SPTLC2: variants seen among roughly 807,000 people sequenced by gnomAD.
SPTLC2 encodes serine palmitoyltransferase 2.
Under a neutral mutation model 62.0 loss-of-function variants are expected in SPTLC2, and 21 were observed. The observed-to-expected ratio is 0.34, with a 90% CI of 0.24 to 0.49. The LOEUF (loss-of-function observed/expected upper bound fraction) is 0.49, where lower values mean the gene tolerates loss of function less well. Among genes scored for constraint, SPTLC2 ranks in the 20% least tolerant of loss-of-function variants. SPTLC2 has a pLI of 0.99. For synonymous variants in SPTLC2, 261 were observed against 261.8 expected, an observed-to-expected ratio of 1.00 and a Z score of 0.03; for missense variants, 511 against 713.0, an observed-to-expected ratio of 0.72 and a Z score of 3.23.
At chr14:77,531,452 T>TCTCCTCCTC (rs1210034001) in intron 9 of SPTLC2, among the ~76,000 whole-genome samples, 8 of 111,300 alleles carry the variant, frequency 7.2e-5, no homozygotes, top group African/African-American at 3.1e-4. Context: ...TTCTCCTCCT[T>TCTCCTCCTC]CTCCTCCTCC....
At chr14:77,524,868 T>C (rs1001897523) in intron 9 of SPTLC2, among the ~76,000 whole-genome samples, 15 of 151,840 alleles carry the variant, frequency 9.9e-5, no homozygotes, top group African/African-American at 2.7e-4. Context: ...GAAAGGGGGA[T>C]TGAAGAGAGG....
Position 77,555,493 on chromosome 14 carries a change from G to A in SPTLC2, c.983C>T (p.Pro328Leu). Residue 328 changes from proline to leucine, a missense_variant, in exon 8 of 12, where the codon CCT becomes CTT. Physicochemically the swap from Pro to Leu is moderately conservative, Grantham distance 98. Transcript: ENST00000216484. ...YSMEGSIVRLPEVIALKKKYK... is the reference protein window; with the variant it reads ...YSMEGSIVRLLEVIALKKKYK... ...TTTCTTCTTGAGGGCAATCACTTCA[G>A]GAAGACGAACAATAGATCCCTCCAT... The A allele has an allele frequency of 1.2e-6, 2 of 1,614,080 alleles. No individual in the cohort carries two copies. Among genetic ancestry groups the A allele is most frequent in the Non-Finnish European group, 1.7e-6 (2 of 1,180,026 alleles).
At chr14:77,602,359 C>T (rs931976843) in intron 1 of SPTLC2, among the ~76,000 whole-genome samples, 2 of 152,126 alleles carry the variant, frequency 1.3e-5, no homozygotes, top group African/African-American at 2.4e-5. Context: ...CCTGATACTC[C>T]TCTTCTATTA....
In SPTLC2 at chr14:77,552,132, T is replaced by C. The variant is rs749776785; in HGVS notation, c.1267A>G (p.Met423Val). 2.5e-6 allele frequency: 4 copies of C among 1,614,166 alleles called. No individual in the cohort carries two copies. Among genetic ancestry groups the C allele is most frequent in the South Asian group, 2.2e-5 (2 of 91,060 alleles). Residue 423 changes from methionine (M) to valine (V), a missense_variant, in exon 9 of 12, where the codon ATG (methionine) becomes GTG (valine). Coordinates refer to ENST00000216484, the MANE Select transcript of SPTLC2 (RefSeq NM_004863.4). ...PPVVEQIITS[M>V]KCIMGQDGTS... ...CCATCCTGCCCCATGATGCACTTCA[T>C]GGAGGTGATGATCTGCTCCACTACA... is the stretch of plus-strand genomic sequence containing the variant.
intron 9 of SPTLC2, among the ~76,000 whole-genome samples, chr14:77,540,732 C>T: frequency 6.6e-6 from 1 of 152,180 alleles, no homozygotes; most frequent in East Asian, 1.9e-4. Flanking sequence ...CCTTAGACTC[C>T]CAAAGTGCTG....
rs767978353 is a variant in SPTLC2, at chr14:77,555,482, C to A, written c.994G>T (p.Ala332Ser). Residue 332 changes from alanine to serine, a missense_variant, in exon 8 of 12, where the codon GCC (alanine) becomes TCC (serine). By Grantham distance (99) the Ala-to-Ser change is moderately conservative (BLOSUM62 1). Transcript: ENST00000216484. ...TATGCCTTGTATTTCTTCTTGAGGGCAATCACTTCAGGAAGACGAACAATA... is the reference window on the plus strand; with the variant it reads ...TATGCCTTGTATTTCTTCTTGAGGGAAATCACTTCAGGAAGACGAACAATA... ...GSIVRLPEVIALKKKYKAYLY... is the reference protein window; with the variant it reads ...GSIVRLPEVISLKKKYKAYLY... 5.0e-6 allele frequency: 8 copies of A among 1,614,012 alleles called. No individual in the cohort carries two copies. The Admixed American group carries it at 1.2e-4, about 24-fold the overall frequency.
chr14:77,513,770 C>T (rs1390337322), intron 11 of SPTLC2, among the ~76,000 whole-genome samples: 1 of 151,924 alleles, frequency 6.6e-6, no homozygotes, highest in Non-Finnish European at 1.5e-5. Flanking sequence ...TGGCACATGC[C>T]TGTAATCCCA....
At chr14:77,610,954 A>G (rs1251344727) in intron 1 of SPTLC2, among the ~76,000 whole-genome samples, 1 of 146,082 alleles carries the variant, frequency 6.8e-6, no homozygotes, top group Non-Finnish European at 1.5e-5. Context: ...TAAGTAAAAA[A>G]GAGACTAGCC....
At chr14:77,614,693 T>A (rs998362560) in intron 1 of SPTLC2, among the ~76,000 whole-genome samples, 1 of 138,720 alleles carries the variant, frequency 7.2e-6, no homozygotes, top group Non-Finnish European at 1.6e-5. Flanking sequence ...AAAAAAATCA[T>A]ACCTCGGCCT....
intron 11 of SPTLC2, among the ~76,000 whole-genome samples, chr14:77,513,948 C>T (rs937131907): frequency 6.9e-6 from 1 of 145,756 alleles, no homozygotes; most frequent in Non-Finnish European, 1.5e-5. Context: ...AGCCTGTAAT[C>T]ACAGCACTTT....
chr14:77,509,527 G>C lies in SPTLC2; in HGVS notation c.*2757C>G, dbSNP rs571661772. ...TCAATCGACTCAGATGATCAGTTTT[G>C]GTAGTCATGGTTAACCGGTATCTGT... On this transcript the variant is annotated 3_prime_UTR_variant, in exon 12 of 12. Coordinates refer to ENST00000216484, the MANE Select transcript of SPTLC2 (RefSeq NM_004863.4). 5.0e-6 allele frequency: 1 copy of C among 201,180 alleles called. No individual in the cohort carries two copies. The highest frequency in any genetic ancestry group is 9.9e-6 in the Non-Finnish European group (1 of 100,690). 12.5% of individuals were successfully genotyped at this position (201,180 alleles called of 1,614,324 possible). A position where few individuals can be genotyped will look rare whatever the true frequency, so the allele number is the denominator to read the frequency against.
At chr14:77,536,274 G>A (rs1566772511) in intron 9 of SPTLC2, among the ~76,000 whole-genome samples, 1 of 151,736 alleles carries the variant, frequency 6.6e-6, no homozygotes, top group African/African-American at 2.4e-5. Context: ...ACCGAAAAAT[G>A]ATTAATTTTG....
At chr14:77,593,762 G>A in intron 2 of SPTLC2, among the ~76,000 whole-genome samples, 1 of 152,184 alleles carries the variant, frequency 6.6e-6, no homozygotes, top group East Asian at 1.9e-4. Flanking sequence ...CACTCTCTCA[G>A]TGAAATGAGG....
At chr14:77,556,471 A>G (rs965644795) in intron 7 of SPTLC2, among the ~76,000 whole-genome samples, 6 of 150,752 alleles carry the variant, frequency 4.0e-5, no homozygotes, top group African/African-American at 1.5e-4. Flanking sequence ...AGGCAATTAA[A>G]ATGACACAAA....
chr14:77,530,057 C>A (rs1386097621), intron 9 of SPTLC2, among the ~76,000 whole-genome samples: 4 of 152,206 alleles, frequency 2.6e-5, no homozygotes, highest in African/African-American at 9.6e-5. Context: ...AATTCTCTTG[C>A]ATTTATGGTG....
chr14:77,548,317 G>GAATCCTA (rs2079539828), intron 9 of SPTLC2, among the ~76,000 whole-genome samples: 1 of 152,170 alleles, frequency 6.6e-6, no homozygotes, highest in African/African-American at 2.4e-5. Flanking sequence ...TTTACTGAAA[G>GAATCCTA]GATCCTAGAT....
At chr14:77,534,170 TCTCTCTCTCACACA>T (rs2079456012) in intron 9 of SPTLC2, among the ~76,000 whole-genome samples, 1 of 93,746 alleles carries the variant, frequency 1.1e-5, no homozygotes, top group East Asian at 4.7e-4. Flanking sequence ...TCTCTTTCTC[TCTCTCTCTCACACA>T]CACACACACA....
intron 3 of SPTLC2, among the ~76,000 whole-genome samples, chr14:77,578,242 A>G (rs1458478571): frequency 1.3e-5 from 2 of 152,218 alleles, no homozygotes; most frequent in Non-Finnish European, 2.9e-5. Context: ...CACTCTACAT[A>G]TCATCCTTAA....
At chr14:77,534,218 AC>A (rs1188298282) in intron 9 of SPTLC2, among the ~76,000 whole-genome samples, 2 of 146,028 alleles carry the variant, frequency 1.4e-5, no homozygotes, top group Non-Finnish European at 3.0e-5. Flanking sequence ...ACACACACAC[AC>A]AAATGCATAT....
Sources: gnomAD v4.1 joint callset for allele counts (sites outside exome capture counted in the v4.1 genomes callset) on GRCh38, gnomAD v4.1.1 for gene constraint, MANE v1.5 for transcripts, NCBI Gene and HGNC (gene_info 2026-07-23, HGNC 2026-07-21) for gene names.